Variants in SH3BP5 observed in about 807,000 individuals in gnomAD.
The protein encoded by SH3BP5 is SH3 domain binding protein 5.
Under a neutral mutation model 43.3 loss-of-function variants are expected in SH3BP5, and 22 were observed. That is an observed-to-expected ratio of 0.51 (90% confidence interval 0.36 to 0.73). The LOEUF is 0.73. Ranked by LOEUF, SH3BP5 falls within the 30% of genes least tolerant of loss-of-function variation. The probability of loss-of-function intolerance (pLI) is 0.00; values close to 1 mark genes in which losing one functional copy is unlikely to be tolerated. For synonymous variants in SH3BP5, 255 were observed against 225.8 expected (o/e 1.13, Z -1.16); for missense variants, 529 against 586.9 (o/e 0.90, Z 1.02).
At chr3:15,330,850 C>A in intron 1 of SH3BP5, 1 of 510,368 alleles carries the variant, frequency 2.0e-6, no homozygotes, top group Non-Finnish European at 2.5e-6. Flanking sequence ...CAGGTAAACC[C>A]CACCTGTTAC....
intron 2 of SH3BP5, among the ~76,000 whole-genome samples, chr3:15,312,020 G>A (rs1254910689): frequency 6.6e-6 from 1 of 152,172 alleles, no homozygotes; most frequent in African/African-American, 2.4e-5. Context: ...GTGGTTCTCA[G>A]AGCGTGGTCT....
intron 2 of SH3BP5, among the ~76,000 whole-genome samples, chr3:15,323,053 C>T (rs1463835938): frequency 1.3e-5 from 2 of 151,974 alleles, no homozygotes; most frequent in Admixed American, 1.3e-4. Context: ...GCACGAAAAT[C>T]GCTTGAACCT....
chr3:15,272,146 G>C (rs948037983), intron 3 of SH3BP5, among the ~76,000 whole-genome samples: 1 of 152,196 alleles, frequency 6.6e-6, no homozygotes, highest in Non-Finnish European at 1.5e-5. Context: ...TTGTGAAGAA[G>C]GTTAAAGAAG....
At chr3:15,320,640 A>ACGCT (rs373879792) in intron 2 of SH3BP5, among the ~76,000 whole-genome samples, 2 of 149,560 alleles carry the variant, frequency 1.3e-5, no homozygotes, top group Non-Finnish European at 3.0e-5. Context: ...ACACACACAC[A>ACGCT]CCCCACTACG....
chr3:15,304,000 A>T lies in SH3BP5; in HGVS notation c.330+103T>A, dbSNP rs1471696258. The T allele has an allele frequency of 5.5e-6, 5 of 910,028 alleles. No individual in the cohort carries two copies. The Admixed American group carries it at 9.4e-5, about 17-fold the overall frequency. The allele number at this position is 910,028 out of a possible 1,614,324, so 56.4% of individuals were successfully genotyped here. A position where few individuals can be genotyped will look rare whatever the true frequency, so the allele number is the denominator to read the frequency against. ...GGTCACTGCATTTAAGACATATTGGACTCGAGCTTCTAACCTTCAGCAGGT... is the reference window on the plus strand; with the variant it reads ...GGTCACTGCATTTAAGACATATTGGTCTCGAGCTTCTAACCTTCAGCAGGT... On this transcript the variant is annotated intron_variant, in intron 3 of 8. Transcript: ENST00000383791.
intron 4 of SH3BP5, 144 bp from the exon 5 acceptor site, chr3:15,262,433 G>GT: frequency 1.0e-6 from 1 of 965,594 alleles, no homozygotes; most frequent in Non-Finnish European, 1.5e-6. Context: ...GCCAAGGTGG[G>GT]TGGATCACGA....
At chr3:15,265,211 T>C (rs1401784969) in intron 4 of SH3BP5, among the ~76,000 whole-genome samples, 3 of 152,180 alleles carry the variant, frequency 2.0e-5, no homozygotes, top group South Asian at 2.1e-4. Flanking sequence ...ACTTCTCATA[T>C]ATATACAAAA....
intron 3 of SH3BP5, among the ~76,000 whole-genome samples, chr3:15,292,587 G>A (rs550793209): frequency 4.6e-5 from 7 of 152,312 alleles, no homozygotes; most frequent in East Asian, 1.9e-4. Context: ...GGTGGCTCAT[G>A]CCTGTAATCC....
At chr3:15,297,010 TACAA>T (rs1559445750) in intron 3 of SH3BP5, among the ~76,000 whole-genome samples, 1 of 152,118 alleles carries the variant, frequency 6.6e-6, no homozygotes, top group Non-Finnish European at 1.5e-5. Flanking sequence ...GCAGGCTTTC[TACAA>T]ACAAAATCAA....
chr3:15,260,010 G>C, intron 5 of SH3BP5: 1 of 599,202 alleles, frequency 1.7e-6, no homozygotes, highest in South Asian at 2.0e-5. Flanking sequence ...GCTCACCCAG[G>C]GCTATATTAA....
intron 5 of SH3BP5, 67 bp downstream of exon 5, chr3:15,262,092 C>T: frequency 6.3e-7 from 1 of 1,589,614 alleles, no homozygotes; most frequent in Non-Finnish European, 8.6e-7. Flanking sequence ...GTGTGACATA[C>T]AAAAGGCTGA....
chr3:15,271,235 G>A (rs1431529157), intron 3 of SH3BP5, among the ~76,000 whole-genome samples: 6 of 151,928 alleles, frequency 3.9e-5, no homozygotes, highest in African/African-American at 7.3e-5. Context: ...AAAATTATCC[G>A]AGCATGGTGG....
At chr3:15,289,406 G>A (rs1697351463) in intron 3 of SH3BP5, among the ~76,000 whole-genome samples, 2 of 152,174 alleles carry the variant, frequency 1.3e-5, no homozygotes, top group African/African-American at 4.8e-5. Flanking sequence ...TGTGATGGCT[G>A]GAGTTCCTGG....
chr3:15,333,263 C>T (rs1474301655), upstream of SH3BP5: 1 of 985,322 alleles, frequency 1.0e-6, no homozygotes, highest in Non-Finnish European at 1.2e-6. Flanking sequence ...CCGAAAAGGC[C>T]AAACTGAAGA....
chr3:15,340,199 C>T (rs1367718707), intron 1 of SH3BP5, among the ~76,000 whole-genome samples: 1 of 151,980 alleles, frequency 6.6e-6, no homozygotes, highest in Admixed American at 6.6e-5. Context: ...AATAAATCCA[C>T]TTATAAAGGA....
intron 4 of SH3BP5, among the ~76,000 whole-genome samples, chr3:15,262,903 A>C (rs1443975831): frequency 6.6e-6 from 1 of 152,162 alleles, no homozygotes; most frequent in Non-Finnish European, 1.5e-5. Flanking sequence ...GGTTGCAGTA[A>C]GCCGAGATCA....
At chr3:15,317,339 A>AGGCT (rs1291650875) in intron 2 of SH3BP5, among the ~76,000 whole-genome samples, 2 of 152,350 alleles carry the variant, frequency 1.3e-5, no homozygotes, top group African/African-American at 2.4e-5. Context: ...CATTCCAGGC[A>AGGCT]GGCTGGCTGG....
intron 4 of SH3BP5, among the ~76,000 whole-genome samples, chr3:15,268,517 T>G (rs1458738037): frequency 6.6e-6 from 1 of 152,064 alleles, no homozygotes; most frequent in Non-Finnish European, 1.5e-5. Flanking sequence ...GCGCTGGGAA[T>G]CTAGACAGAG....
chr3:15,301,176 G>A (rs1697727913), intron 3 of SH3BP5, among the ~76,000 whole-genome samples: 4 of 152,120 alleles, frequency 2.6e-5, no homozygotes, highest in Admixed American at 2.0e-4. Flanking sequence ...ACTGCTAAAC[G>A]GGATTTGAAT....
Sources: allele counts gnomAD v4.1 joint callset (sites outside exome capture counted in the v4.1 genomes callset), GRCh38; gene constraint gnomAD v4.1.1; transcripts MANE v1.5; gene names NCBI Gene and HGNC (gene_info 2026-07-23, HGNC 2026-07-21).